XRN2: variants seen among roughly 807,000 people sequenced by gnomAD.
XRN2 encodes 5'-3' exoribonuclease 2.
XRN2 carries 44 observed loss-of-function variants against 138.5 expected under a neutral mutation model. That is an observed-to-expected ratio of 0.32 (90% CI 0.25 to 0.41). The LOEUF is 0.41. Ranked by LOEUF, XRN2 falls within the 10% of genes least tolerant of loss-of-function variation. XRN2 has a pLI of 1.00. For missense variants in XRN2, 937 were observed against 1,169.3 expected (o/e 0.80, Z 2.90); for synonymous variants, 354 against 369.4 (o/e 0.96, Z 0.48).
chr20:21,343,056 C>T (rs1466214213), intron 15 of XRN2, among the ~76,000 whole-genome samples: 1 of 151,890 alleles, frequency 6.6e-6, no homozygotes, highest in Non-Finnish European at 1.5e-5. Flanking sequence ...TTTTCTTGAC[C>T]TGTGGTATGA....
chr20:21,316,591 A>G lies in XRN2; in HGVS notation c.76-9688A>G, dbSNP rs573373281. Among the ~76,000 whole-genome samples the G allele has an allele frequency of 3.9e-5, 6 of 152,290 alleles. No homozygotes were observed. In the East Asian group the frequency reaches 1.2e-3, roughly 29 times the overall value. ...CTTGACACCTTATCAAAAATCAGCT[A>G]ATAATAGCTGTGTGCATTTATTTCT... On this transcript the variant is annotated intron_variant, in intron 1 of 29. Coordinates refer to ENST00000377191, the MANE Select transcript of XRN2 (RefSeq NM_012255.5).
chr20:21,323,487 A>C (rs1021684105), intron 1 of XRN2, among the ~76,000 whole-genome samples: 1 of 152,314 alleles, frequency 6.6e-6, no homozygotes, highest in Middle Eastern at 3.4e-3. Context: ...ACTGAACAGG[A>C]AACGTGTTGG....
At chr20:21,317,766 A>C (rs910029913) in intron 1 of XRN2, among the ~76,000 whole-genome samples, 2 of 152,222 alleles carry the variant, frequency 1.3e-5, no homozygotes, top group Non-Finnish European at 2.9e-5. Context: ...TACCAACGCA[A>C]CTGTCCATTT....
chr20:21,350,748 C>T (rs2038499533), intron 20 of XRN2, among the ~76,000 whole-genome samples: 1 of 151,620 alleles, frequency 6.6e-6, no homozygotes, highest in Non-Finnish European at 1.5e-5. Flanking sequence ...AATCTTGAGA[C>T]AAAGGGGGAA....
At chr20:21,349,161 A>T (rs1177663194) in intron 19 of XRN2, among the ~76,000 whole-genome samples, 1 of 152,180 alleles carries the variant, frequency 6.6e-6, no homozygotes, top group Non-Finnish European at 1.5e-5. Context: ...CATAGTTGTC[A>T]ATTCTAAAAT....
rs2038942004 is a variant in XRN2 at position 21,386,909 on chromosome 20, T to A, written c.2690T>A (p.Leu897Gln). ...AEPLLPWNRM[L>Q]QTQNAAFQPN... ...CCTCTGCTCCCATGGAACCGGATGC[T>A]GCAAACCCAGAATGCAGCCTTCCAG... is the stretch of plus-strand genomic sequence containing the variant. Residue 897 changes from leucine to glutamine, a missense_variant, in exon 29 of 30, where the codon CTG becomes CAG. By Grantham distance (113) the Leu-to-Gln change is moderately radical. Transcript: ENST00000377191. The A allele has an allele frequency of 5.0e-6, 8 of 1,614,028 alleles. No homozygotes were observed. Among genetic ancestry groups the A allele is most frequent in the Non-Finnish European group, 5.9e-6 (7 of 1,179,866 alleles).
At chr20:21,378,231 G>A (rs971610604) in intron 27 of XRN2, among the ~76,000 whole-genome samples, 21 of 152,054 alleles carry the variant, frequency 1.4e-4, no homozygotes, top group African/African-American at 5.1e-4. Context: ...TAATAATGTC[G>A]GTTGTAAACC....
intron 27 of XRN2, among the ~76,000 whole-genome samples, chr20:21,373,934 T>G (rs570243590): frequency 7.7e-4 from 118 of 152,342 alleles, no homozygotes; most frequent in African/African-American, 2.8e-3. Flanking sequence ...TTATTATTGC[T>G]GTCATATGAT....
At position 21,348,215 on chromosome 20, in the gene XRN2, G is replaced by A; in HGVS notation, c.1735G>A (p.Ala579Thr). The A allele has an allele frequency of 6.2e-7, 1 of 1,614,014 alleles. No individual in the cohort carries two copies. Among genetic ancestry groups the A allele is most frequent in the Non-Finnish European group, 8.5e-7 (1 of 1,179,968 alleles). The change falls in exon 18 of 30, where the codon GCA becomes ACA. Residue 579 changes from alanine to threonine, a missense_variant. Around this residue, in one of 6 missense-constraint regions of XRN2, gnomAD observed 471 missense variants for 581.2 expected, o/e 0.81. Transcript: ENST00000377191. ...APFASDFEGIADMPSDFEKGT... is the reference protein window; with the variant it reads ...APFASDFEGITDMPSDFEKGT... The stretch of plus-strand genomic sequence containing the variant: ...ATTTGCTTCAGACTTTGAAGGCATT[G>A]CAGACATGCCATCTGATTTTGAGAA...
In XRN2 at chr20:21,356,112, T is replaced by C; in HGVS notation, c.2053T>C (p.Phe685Leu). 1 of 1,612,990 alleles carries C rather than the reference T, an allele frequency of 6.2e-7. No individual in the cohort carries two copies. Among genetic ancestry groups the C allele is most frequent in the Non-Finnish European group, 8.5e-7 (1 of 1,179,334 alleles). Reference sequence around the variant, plus strand: ...AAACAGCCTTGGAGGTGATGTCTTATTTGTGGGGAAACATCACCCACTCCA... The same window carrying C: ...AAACAGCCTTGGAGGTGATGTCTTACTTGTGGGGAAACATCACCCACTCCA... ...RRNSLGGDVL[F>L]VGKHHPLHDF... Residue 685 changes from phenylalanine (F) to leucine (L), a missense_variant, in exon 22 of 30, where the codon TTT becomes CTT. Physicochemically the swap from Phe to Leu is conservative, Grantham distance 22. Around this residue, in one of 6 missense-constraint regions of XRN2, gnomAD observed 372 missense variants for 414.4 expected, o/e 0.90. Transcript: ENST00000377191.
chr20:21,349,720 AAGAC>A (rs572768883), intron 20 of XRN2, among the ~76,000 whole-genome samples: 54 of 152,254 alleles, frequency 3.5e-4, no homozygotes, highest in African/African-American at 1.3e-3. Context: ...TCCAGCCTGG[AAGAC>A]AGAGTGAGGC....
chr20:21,333,889 T>C (rs1302956722), intron 11 of XRN2, 48 bp from the exon 12 acceptor site: 4 of 1,614,146 alleles, frequency 2.5e-6, no homozygotes, highest in Admixed American at 1.7e-5. Context: ...TTCTTGACTT[T>C]ACTGTGCCTA....
chr20:21,375,399 G>A (rs1015872639), intron 27 of XRN2, among the ~76,000 whole-genome samples: 1 of 151,638 alleles, frequency 6.6e-6, no homozygotes, highest in Non-Finnish European at 1.5e-5. Flanking sequence ...TGGAGACTTA[G>A]GTAATTTATT....
Position 21,331,751 on chromosome 20 carries a change from G to A in XRN2, c.650-17G>A. 6.2e-7 allele frequency: 1 copy of A among 1,602,040 alleles called. No homozygotes were observed. Among genetic ancestry groups the A allele is most frequent in the Non-Finnish European group, 8.5e-7 (1 of 1,176,384 alleles). ...ATATAATATATTAATATAAATACATGTTTCTCTCTTGTTTAGCCCAGCCTA... is the reference window on the plus strand; with the variant it reads ...ATATAATATATTAATATAAATACATATTTCTCTCTTGTTTAGCCCAGCCTA... On this transcript the variant is annotated splice_polypyrimidine_tract_variant and intron_variant, in intron 7 of 29. Coordinates refer to ENST00000377191, the MANE Select transcript of XRN2 (RefSeq NM_012255.5).
At chr20:21,366,068 ATATAT>A (rs1454755697) in intron 26 of XRN2, among the ~76,000 whole-genome samples, 22 of 117,032 alleles carry the variant, frequency 1.9e-4, no homozygotes, top group Non-Finnish European at 3.4e-4. Flanking sequence ...ATATATAAAT[ATATAT>A]TATATTTATA....
In XRN2 at chr20:21,346,503, C is replaced by G. The variant is rs113373371; in HGVS notation, c.1618C>G (p.Gln540Glu). ...TGAGAAATTCCGTCGGAAAGTTGTG[C>G]AGTCGTACGTTGAAGGACTTTGCTG... ...ADEKFRRKVV[Q>E]SYVEGLCWVL... is the part of the protein sequence containing the mutation. The change falls in exon 17 of 30, where the codon CAG becomes GAG. Residue 540 changes from glutamine to glutamate, a missense_variant. Physicochemically the swap from Gln to Glu is conservative, Grantham distance 29. Transcript: ENST00000377191. 5.0e-6 allele frequency: 8 copies of G among 1,614,184 alleles called. No homozygotes were observed. In the African/African-American group the frequency reaches 5.3e-5, roughly 11 times the overall value.
intron 13 of XRN2, among the ~76,000 whole-genome samples, chr20:21,338,159 C>T (rs773214932): frequency 6.6e-6 from 1 of 152,180 alleles, no homozygotes; most frequent in African/African-American, 2.4e-5. Context: ...GGAAGTGTAC[C>T]TACTAGGATG....
At chr20:21,366,269 C>T (rs568675592) in intron 26 of XRN2, among the ~76,000 whole-genome samples, 2 of 139,114 alleles carry the variant, frequency 1.4e-5, no homozygotes, top group African/African-American at 5.4e-5. Flanking sequence ...GGGTTTGGGC[C>T]GGGCACGGTG....
chr20:21,323,041 A>G (rs2038068929), intron 1 of XRN2, among the ~76,000 whole-genome samples: 1 of 152,118 alleles, frequency 6.6e-6, no homozygotes, highest in Non-Finnish European at 1.5e-5. Context: ...GGGAGAGGAG[A>G]GGGCAGGAGT....
Sources: gnomAD v4.1 joint callset for allele counts (sites outside exome capture counted in the v4.1 genomes callset) on GRCh38, gnomAD v4.1.1 for gene constraint, gnomAD v4.1.1 regional missense constraint, MANE v1.5 for transcripts, NCBI Gene and HGNC (gene_info 2026-07-23, HGNC 2026-07-21) for gene names.